Variants in SCHIP1 observed in about 807,000 individuals in gnomAD.
SCHIP1 encodes schwannomin interacting protein 1, also known as schwannomin-interacting protein 1.
A neutral mutation model predicts 29.7 loss-of-function variants in SCHIP1; 8 were observed. That is an observed-to-expected ratio of 0.27 (90% CI 0.16 to 0.49). SCHIP1 has a LOEUF of 0.49. Ranked by LOEUF, SCHIP1 falls within the 20% of genes least tolerant of loss-of-function variation. The pLI is 0.99. For missense variants in SCHIP1, 193 were observed against 294.6 expected, an observed-to-expected ratio of 0.66 and a Z score of 2.52; for synonymous variants, 76 against 94.9, an observed-to-expected ratio of 0.80 and a Z score of 1.16.
chr3:159,725,558 C>T, the SCHIP1 span, among the ~76,000 whole-genome samples: 3 of 152,332 alleles, frequency 2.0e-5, no homozygotes, highest in South Asian at 6.2e-4. Context: ...AGCCACCACG[C>T]CTGGCCTCAA....
chr3:159,625,040 G>A, the SCHIP1 span, among the ~76,000 whole-genome samples: 1 of 152,212 alleles, frequency 6.6e-6, no homozygotes, highest in Non-Finnish European at 1.5e-5. Context: ...ACAAGAACAT[G>A]AGAACAGTGG....
At chr3:159,319,954 T>C in the SCHIP1 span, among the ~76,000 whole-genome samples, 7 of 152,308 alleles carry the variant, frequency 4.6e-5, no homozygotes, top group African/African-American at 1.7e-4. Context: ...CTTGGTGCTA[T>C]GCTCAAAACC....
At chr3:159,726,239 A>G in the SCHIP1 span, among the ~76,000 whole-genome samples, 1 of 152,242 alleles carries the variant, frequency 6.6e-6, no homozygotes, top group Non-Finnish European at 1.5e-5. Context: ...AACAAAAAAA[A>G]TCAACTGTTA....
the SCHIP1 span, among the ~76,000 whole-genome samples, chr3:159,772,197 C>T: frequency 5.3e-5 from 8 of 152,208 alleles, no homozygotes; most frequent in Non-Finnish European, 1.0e-4. Context: ...GTCGCCCAGG[C>T]TGCAGTACAG....
At chr3:159,817,496 A>C in the SCHIP1 span, among the ~76,000 whole-genome samples, 1 of 151,522 alleles carries the variant, frequency 6.6e-6, no homozygotes, top group Non-Finnish European at 1.5e-5. Flanking sequence ...TTGTGTGGCC[A>C]CTCTGGGTGT....
intron 2 of SCHIP1, among the ~76,000 whole-genome samples, chr3:159,875,600 A>C (rs780699577): frequency 3.9e-5 from 6 of 152,316 alleles, no homozygotes; most frequent in Non-Finnish European, 8.8e-5. Flanking sequence ...GGTCCTATAC[A>C]TGTGTCTAGA....
At chr3:159,504,969 A>T in the SCHIP1 span, among the ~76,000 whole-genome samples, 1 of 152,176 alleles carries the variant, frequency 6.6e-6, no homozygotes, top group African/African-American at 2.4e-5. Flanking sequence ...AAGAAGGAAG[A>T]TTCAAAGGCC....
the SCHIP1 span, among the ~76,000 whole-genome samples, chr3:159,651,687 C>T: frequency 6.6e-6 from 1 of 152,160 alleles, no homozygotes; most frequent in African/African-American, 2.4e-5. Context: ...CCCAACTTTT[C>T]TTATCATTTC....
At chr3:159,704,417 T>TAA in the SCHIP1 span, among the ~76,000 whole-genome samples, 8,276 of 92,484 alleles carry the variant, frequency 0.089, 634 homozygotes, top group East Asian at 0.25. Context: ...CAATTTTTTC[T>TAA]AAAAAAAAAA....
chr3:159,783,450 A>G, the SCHIP1 span, among the ~76,000 whole-genome samples: 8 of 152,358 alleles, frequency 5.3e-5, no homozygotes, highest in Admixed American at 3.3e-4. Flanking sequence ...CCCTTACCTC[A>G]CAAACACATC....
At chr3:159,624,147 G>C in the SCHIP1 span, among the ~76,000 whole-genome samples, 1 of 152,116 alleles carries the variant, frequency 6.6e-6, no homozygotes, top group Non-Finnish European at 1.5e-5. Flanking sequence ...ATTGTGCTAA[G>C]CATTAGCACA....
the SCHIP1 span, among the ~76,000 whole-genome samples, chr3:159,626,263 G>A: frequency 8.7e-6 from 1 of 115,336 alleles, no homozygotes; most frequent in Admixed American, 8.3e-5. Flanking sequence ...TAGATAGATA[G>A]ATAGATAGAT....
At chr3:159,591,130 C>T in the SCHIP1 span, among the ~76,000 whole-genome samples, 1 of 152,180 alleles carries the variant, frequency 6.6e-6, no homozygotes, top group Non-Finnish European at 1.5e-5. Flanking sequence ...ATATTCTGAA[C>T]TTTCGGATTC....
the SCHIP1 span, among the ~76,000 whole-genome samples, chr3:159,611,517 C>G: frequency 4.3e-4 from 19 of 44,654 alleles, no homozygotes; most frequent in African/African-American, 1.8e-3. Flanking sequence ...CATCATACAC[C>G]AGGGCGTGTT....
At chr3:159,523,940 A>G in the SCHIP1 span, among the ~76,000 whole-genome samples, 1 of 152,166 alleles carries the variant, frequency 6.6e-6, no homozygotes, top group African/African-American at 2.4e-5. Flanking sequence ...GAATCCCCCA[A>G]TAATCTGAGT....
intron 1 of SCHIP1, among the ~76,000 whole-genome samples, chr3:159,846,876 C>T (rs1192371570): frequency 7.1e-6 from 1 of 140,962 alleles, no homozygotes; most frequent in African/African-American, 3.0e-5. Flanking sequence ...AATTTATATG[C>T]ATTTTTTTTT....
At chr3:159,406,849 T>C in the SCHIP1 span, among the ~76,000 whole-genome samples, 1 of 152,308 alleles carries the variant, frequency 6.6e-6, no homozygotes, top group Non-Finnish European at 1.5e-5. Context: ...GTTATATTAT[T>C]TGCAATACTC....
chr3:159,641,450 T>C, the SCHIP1 span, among the ~76,000 whole-genome samples: 3 of 152,216 alleles, frequency 2.0e-5, no homozygotes, highest in Non-Finnish European at 4.4e-5. Flanking sequence ...AATACAGTTA[T>C]GCTCTTAAAT....
the SCHIP1 span, among the ~76,000 whole-genome samples, chr3:159,694,588 GAAAGAAAGAAAGAAAGA>G: frequency 9.0e-5 from 13 of 145,240 alleles, no homozygotes; most frequent in South Asian, 8.8e-4. Context: ...AAGAAAGAAA[GAAAGAAAGAAAGAAAGA>G]AAGGAATTAT....
Sources: gnomAD v4.1 joint callset for allele counts (sites outside exome capture counted in the v4.1 genomes callset) on GRCh38, gnomAD v4.1.1 for gene constraint, MANE v1.5 for transcripts, NCBI Gene and HGNC (gene_info 2026-07-23, HGNC 2026-07-21) for gene names.